Variants in SLC24A2 observed in about 807,000 individuals in gnomAD.
SLC24A2 encodes the protein solute carrier family 24 member 2.
In SLC24A2, 36 loss-of-function variants were observed where a neutral mutation model predicts 62.0. The ratio of observed to expected loss-of-function variants is 0.58; its 90% confidence interval spans 0.44 to 0.77. The LOEUF (loss-of-function observed/expected upper bound fraction) is 0.77, where lower values mean the gene tolerates loss of function less well. SLC24A2 is among the 30% of genes least tolerant of loss of function. The pLI, the probability that SLC24A2 is intolerant of heterozygous loss-of-function variation, is 0.00. For synonymous variants in SLC24A2, 358 were observed against 294.0 expected (o/e 1.22, Z -2.23); for missense variants, 846 against 817.9 (o/e 1.03, Z -0.42).
At chr9:20,302,148 T>C in the SLC24A2 span, among the ~76,000 whole-genome samples, 3 of 152,232 alleles carry the variant, frequency 2.0e-5, no homozygotes, top group Admixed American at 6.5e-5. Flanking sequence ...TGGAAAGATA[T>C]CCTGTTTCCA....
At chr9:19,763,293 T>C (rs1185194456) in intron 2 of SLC24A2, among the ~76,000 whole-genome samples, 2 of 152,192 alleles carry the variant, frequency 1.3e-5, no homozygotes, top group Admixed American at 1.3e-4. Flanking sequence ...CTTTTCCTAT[T>C]TGAATACCCT....
the SLC24A2 span, among the ~76,000 whole-genome samples, chr9:19,983,130 A>G: frequency 6.6e-6 from 1 of 152,310 alleles, no homozygotes; most frequent in African/African-American, 2.4e-5. Flanking sequence ...TACCATTGCT[A>G]TTCAACATTG....
chr9:20,050,117 C>T, the SLC24A2 span, among the ~76,000 whole-genome samples: 13 of 151,886 alleles, frequency 8.6e-5, no homozygotes, highest in Non-Finnish European at 8.8e-5. Context: ...ACCAAACATA[C>T]ACACACAGAG....
At chr9:20,229,140 C>T in the SLC24A2 span, among the ~76,000 whole-genome samples, 3 of 152,144 alleles carry the variant, frequency 2.0e-5, no homozygotes, top group Non-Finnish European at 2.9e-5. Flanking sequence ...TTTTTCCATT[C>T]ATCACAGCTC....
chr9:19,564,663 G>A (rs890151244), intron 7 of SLC24A2, among the ~76,000 whole-genome samples: 4 of 152,006 alleles, frequency 2.6e-5, no homozygotes, highest in Non-Finnish European at 5.9e-5. Flanking sequence ...ATTTCCCTAA[G>A]GACAGAAGGA....
At chr9:19,949,743 T>C in the SLC24A2 span, among the ~76,000 whole-genome samples, 1 of 152,222 alleles carries the variant, frequency 6.6e-6, no homozygotes, top group Non-Finnish European at 1.5e-5. Context: ...AACATAGACA[T>C]GGTGGTGGTT....
the SLC24A2 span, among the ~76,000 whole-genome samples, chr9:20,037,645 A>T: frequency 7.9e-5 from 12 of 152,198 alleles, no homozygotes; most frequent in Admixed American, 4.6e-4. Flanking sequence ...ACTATTTACA[A>T]GTCAGGCGCT....
intron 2 of SLC24A2, among the ~76,000 whole-genome samples, chr9:19,653,516 G>A (rs1818857250): frequency 6.6e-6 from 1 of 152,170 alleles, no homozygotes; most frequent in African/African-American, 2.4e-5. Context: ...TACCAATGCT[G>A]ATCAATAGTC....
intron 10 of SLC24A2, among the ~76,000 whole-genome samples, chr9:19,517,785 A>G (rs904192281): frequency 3.9e-5 from 6 of 151,992 alleles, no homozygotes; most frequent in African/African-American, 1.4e-4. Context: ...AAGTCAGAAA[A>G]TGGAAGGGGA....
the SLC24A2 span, among the ~76,000 whole-genome samples, chr9:19,794,255 C>A: frequency 8.6e-5 from 13 of 152,038 alleles, no homozygotes; most frequent in Admixed American, 2.0e-4. Context: ...CCAGGAAGCC[C>A]TGAAATTAAG....
intron 2 of SLC24A2, among the ~76,000 whole-genome samples, chr9:19,752,048 C>T (rs772805621): frequency 5.9e-5 from 9 of 152,130 alleles, no homozygotes; most frequent in African/African-American, 2.2e-4. Context: ...TCCACGTAGT[C>T]AAAAGGTTGT....
chr9:20,293,843 C>G, the SLC24A2 span, among the ~76,000 whole-genome samples: 1 of 152,078 alleles, frequency 6.6e-6, no homozygotes, highest in Non-Finnish European at 1.5e-5. Context: ...CACTCCCACC[C>G]CCTTAGTCCT....
chr9:19,513,696 G>C lies in SLC24A2; in HGVS notation c.*2457C>G. On this transcript the variant is annotated 3_prime_UTR_variant, in exon 11 of 11. Coordinates refer to ENST00000341998, the MANE Select transcript of SLC24A2 (RefSeq NM_020344.4). ...CGGCATCAGGTCTCCTTCAACTTCT[G>C]TTTTACATGGTCTGTTTGCAGTTGA... 6.6e-6 allele frequency: 1 copy of C among 152,108 alleles called. No individual in the cohort carries two copies. Among genetic ancestry groups the C allele is most frequent in the South Asian group, 2.1e-4 (1 of 4,810 alleles). The allele number at this position is 152,108 out of a possible 1,614,324, so 9.4% of individuals were successfully genotyped here.
At chr9:20,162,473 T>C in the SLC24A2 span, among the ~76,000 whole-genome samples, 1 of 151,972 alleles carries the variant, frequency 6.6e-6, no homozygotes, top group Non-Finnish European at 1.5e-5. Flanking sequence ...GGCTCTGAAA[T>C]TGTGGCAATA....
intron 4 of SLC24A2, among the ~76,000 whole-genome samples, chr9:19,608,490 T>C (rs1362603003): frequency 6.6e-6 from 1 of 152,172 alleles, no homozygotes; most frequent in African/African-American, 2.4e-5. Context: ...TGTGTGAACA[T>C]GTGTGGCCAC....
At chr9:20,160,939 T>A in the SLC24A2 span, among the ~76,000 whole-genome samples, 259 of 150,780 alleles carry the variant, frequency 1.7e-3, 2 homozygotes, top group South Asian at 3.3e-3. Context: ...TAAGTTAATA[T>A]ATCAAAACAC....
chr9:19,786,961 G>A lies in SLC24A2; in HGVS notation c.-95C>T, dbSNP rs1321606909. 2.3e-5 allele frequency: 35 copies of A among 1,521,466 alleles called. No individual in the cohort carries two copies. The highest frequency in any genetic ancestry group is 2.5e-5 in the Non-Finnish European group (29 of 1,140,764). The allele number at this position is 1,521,466 out of a possible 1,614,324, so 94.2% of individuals were successfully genotyped here. A position where few individuals can be genotyped will look rare whatever the true frequency, so the allele number is the denominator to read the frequency against. On this transcript the variant is annotated 5_prime_UTR_variant, in exon 2 of 11. Transcript: ENST00000341998. This position sits in a 1 kb window ranked among gnomAD's most constrained non-coding sequence, Gnocchi z 5.0. ...CCTTACTTTATAGTTAACGATGCTT[G>A]TGGGGTACTTTCACAATCAGGGATT...
At chr9:19,539,009 T>G (rs1407334775) in intron 8 of SLC24A2, among the ~76,000 whole-genome samples, 3 of 121,688 alleles carry the variant, frequency 2.5e-5, no homozygotes, top group African/African-American at 9.6e-5. Flanking sequence ...TTTGTAGTAT[T>G]CTCTGATGGT....
chr9:19,926,992 TCTC>T, the SLC24A2 span: 2 of 152,278 alleles, frequency 1.3e-5, no homozygotes, highest in Non-Finnish European at 2.9e-5. Context: ...AGGTCTGTGT[TCTC>T]CTTGAGGCAG....
Sources: allele counts gnomAD v4.1 joint callset (sites outside exome capture counted in the v4.1 genomes callset), GRCh38; gene constraint gnomAD v4.1.1; non-coding constraint Gnocchi (gnomAD v3.1); transcripts MANE v1.5; gene names NCBI Gene and HGNC (gene_info 2026-07-23, HGNC 2026-07-21).